FBXL18: variants seen among roughly 807,000 people sequenced by gnomAD.
The protein encoded by FBXL18 is F-box and leucine rich repeat protein 18, also known as F-box/LRR-repeat protein 18.
FBXL18 carries 36 observed loss-of-function variants against 46.0 expected under a neutral mutation model. The observed-to-expected ratio is 0.78, with a 90% CI of 0.60 to 1.03. FBXL18 has a LOEUF of 1.03. FBXL18 is among the 50% of genes least tolerant of loss of function. FBXL18 has a pLI of 0.00. For missense variants in FBXL18, 977 were observed against 1,004.1 expected, an observed-to-expected ratio of 0.97 and a Z score of 0.36; for synonymous variants, 557 against 465.3, an observed-to-expected ratio of 1.20 and a Z score of -2.54.
intron 3 of FBXL18, among the ~76,000 whole-genome samples, chr7:5,499,674 T>A (rs1784177622): frequency 7.0e-6 from 1 of 143,170 alleles, no homozygotes; most frequent in Non-Finnish European, 1.5e-5. Context: ...GGGGTTGCAA[T>A]GAACCAAGAT....
At chr7:5,462,632 C>T (rs1783263998) in intron 4 of FBXL18, among the ~76,000 whole-genome samples, 1 of 151,978 alleles carries the variant, frequency 6.6e-6, no homozygotes, top group African/African-American at 2.4e-5. Flanking sequence ...GGGGACCCAG[C>T]CGCAAATGAC....
At chr7:5,510,354 G>C (rs545233439) in intron 1 of FBXL18, among the ~76,000 whole-genome samples, 1 of 150,016 alleles carries the variant, frequency 6.7e-6, no homozygotes, top group South Asian at 2.1e-4. Context: ...TGCAGCCTGG[G>C]CAATGTGGCA....
At position 5,500,574 on chromosome 7, in the gene FBXL18, C is replaced by T. The variant is rs753814477; in HGVS notation, c.1695G>A (p.Leu565=). ...CCTTCCCCATCATGCCCAGGTTGGCCAGCGACAGGGACCGCAACTGCTGGC... is the reference window on the plus strand; with the variant it reads ...CCTTCCCCATCATGCCCAGGTTGGCTAGCGACAGGGACCGCAACTGCTGGC... ...LQCQQLRSLS[L]ANLGMMGKVV... The change falls in exon 3 of 5, where the codon CTG becomes CTA. Residue 565 remains leucine, a synonymous_variant. Coordinates refer to ENST00000382368, the MANE Select transcript of FBXL18 (RefSeq NM_024963.6). The T allele has an allele frequency of 6.2e-7, 1 of 1,613,572 alleles. No homozygotes were observed. The highest frequency in any genetic ancestry group is 1.1e-5 in the South Asian group (1 of 91,082).
chr7:5,501,765 G>A lies in FBXL18; in HGVS notation c.504C>T (p.Ala168=). ...TGAGCTCCCGCACGCGGCTCAGGGT[G>A]GCCTTGCACTCGCTGCTCAGCTGGC... is the stretch of plus-strand genomic sequence containing the variant. ...DASQLSSECK[A]TLSRVRELKQ... Residue 168 remains alanine, a synonymous_variant, in exon 3 of 5, where the codon GCC becomes GCT. Coordinates refer to ENST00000382368, the MANE Select transcript of FBXL18 (RefSeq NM_024963.6). 1 of 1,559,216 alleles carries A rather than the reference G, an allele frequency of 6.4e-7. No homozygotes were observed. The highest frequency in any genetic ancestry group is 8.7e-7 in the Non-Finnish European group (1 of 1,151,218).
At chr7:5,484,703 A>G (rs1248405565) in intron 4 of FBXL18, among the ~76,000 whole-genome samples, 2 of 146,072 alleles carry the variant, frequency 1.4e-5, no homozygotes, top group African/African-American at 5.1e-5. Context: ...CAATCGCGTG[A>G]TCTTGGCTCA....
At chr7:5,486,123 G>C (rs1311569609) in intron 4 of FBXL18, among the ~76,000 whole-genome samples, 1 of 150,796 alleles carries the variant, frequency 6.6e-6, no homozygotes, top group African/African-American at 2.4e-5. Context: ...GCGTGCTGGC[G>C]CATGCCTGTA....
Position 5,480,626 on chromosome 7 carries a change from T to C in FBXL18, c.*1149A>G, listed in dbSNP as rs1168286041. The C allele has an allele frequency of 6.7e-5, 9 of 134,872 alleles. No homozygotes were observed. Among genetic ancestry groups the C allele is most frequent in the African/African-American group, 2.5e-4 (9 of 35,514 alleles). The allele number at this position is 134,872 out of a possible 1,614,324, so 8.4% of individuals were successfully genotyped here. On this transcript the variant is annotated 3_prime_UTR_variant, in exon 5 of 5. Transcript: ENST00000382368. ...TTGTCCAGGCTGGAGTGCAATGGTG[T>C]GATCTCGGCTCACTGCAACCTCCGC... is the stretch of plus-strand genomic sequence containing the variant.
At chr7:5,469,919 G>A (rs1027743882) in intron 4 of FBXL18, among the ~76,000 whole-genome samples, 1 of 152,104 alleles carries the variant, frequency 6.6e-6, no homozygotes, top group Non-Finnish European at 1.5e-5. Flanking sequence ...TGTGGTGTGT[G>A]TGAATGCGGA....
At chr7:5,470,548 C>T (rs770415420) in intron 4 of FBXL18, among the ~76,000 whole-genome samples, 151 of 152,342 alleles carry the variant, frequency 9.9e-4, no homozygotes, top group Non-Finnish European at 1.9e-3. Flanking sequence ...GCCAGCAAGT[C>T]ACCATTCCCG....
chr7:5,473,734 C>G (rs1783463663), downstream of FBXL18, among the ~76,000 whole-genome samples: 1 of 147,386 alleles, frequency 6.8e-6, no homozygotes, highest in Admixed American at 6.9e-5. Context: ...GCACTCCAGC[C>G]TGGGCGACAG....
In FBXL18 at chr7:5,491,253, G is replaced by C; in HGVS notation, c.1978C>G (p.Leu660Val). 1 of 1,612,846 alleles carries C rather than the reference G, an allele frequency of 6.2e-7. No individual in the cohort carries two copies. Among genetic ancestry groups the C allele is most frequent in the African/African-American group, 1.3e-5 (1 of 75,040 alleles). ...CACCTGCGGAGAAGCGACTGCTGCA[G>C]GCTCTTGCAGGTGGCGAGGGACTCC... ...TGESLATCKS[L>V]QQSLLRSFQA... Residue 660 changes from leucine to valine, a missense_variant, in exon 4 of 5, where the codon CTG becomes GTG. By Grantham distance (32) the Leu-to-Val change is conservative. Transcript: ENST00000382368.
At chr7:5,497,368 G>A (rs1384019117) in intron 3 of FBXL18, among the ~76,000 whole-genome samples, 15 of 152,150 alleles carry the variant, frequency 9.9e-5, no homozygotes, top group Admixed American at 9.8e-4. Context: ...CCCACGCACG[G>A]AGCCTCGCAG....
intron 1 of FBXL18, among the ~76,000 whole-genome samples, chr7:5,510,248 A>G (rs982411764): frequency 4.0e-5 from 6 of 148,914 alleles, no homozygotes; most frequent in Non-Finnish European, 8.9e-5. Context: ...GGTTGCAGTG[A>G]GCCAAGATCG....
At chr7:5,474,904 T>C, downstream of FBXL18, among the ~76,000 whole-genome samples, 1 of 145,434 alleles carries the variant, frequency 6.9e-6, no homozygotes, top group Non-Finnish European at 1.5e-5. Context: ...GAGACGGGGT[T>C]TCACCGTGTT....
At chr7:5,459,814 G>A (rs1338249172) in intron 4 of FBXL18, among the ~76,000 whole-genome samples, 1 of 152,108 alleles carries the variant, frequency 6.6e-6, no homozygotes, top group African/African-American at 2.4e-5. Context: ...TCGGGAGGAT[G>A]AGGCAGGAGA....
intron 1 of FBXL18, among the ~76,000 whole-genome samples, chr7:5,512,957 G>C (rs775021252): frequency 3.3e-5 from 5 of 152,102 alleles, no homozygotes; most frequent in African/African-American, 4.8e-5. Context: ...TGCACCCAAC[G>C]ATCTGAGACC....
rs1036238732 is a variant in FBXL18 at position 5,496,660 on chromosome 7, T to C, written c.1781+3828A>G. Among the ~76,000 whole-genome samples, 6 of 151,952 alleles carry C rather than the reference T, an allele frequency of 3.9e-5. No homozygotes were observed. The highest frequency in any genetic ancestry group is 1.5e-4 in the African/African-American group (6 of 41,360). ...CCTTTGGGCGGCCCAGGCAAGAGGA[T>C]CACTTGAGCCCAGGAGTTCAAGACC... On this transcript the variant is annotated intron_variant, in intron 3 of 4. Coordinates refer to ENST00000382368, the MANE Select transcript of FBXL18 (RefSeq NM_024963.6). The surrounding 1 kb of genome is among the most constrained non-coding windows in gnomAD (Gnocchi z 4.8).
chr7:5,512,357 G>A (rs1784562960), intron 1 of FBXL18, among the ~76,000 whole-genome samples: 2 of 147,254 alleles, frequency 1.4e-5, no homozygotes, highest in African/African-American at 2.5e-5. Context: ...GCTCACGCCT[G>A]TAATCCCAAC....
At chr7:5,473,674 T>C (rs547856658), downstream of FBXL18, among the ~76,000 whole-genome samples, 7 of 151,178 alleles carry the variant, frequency 4.6e-5, no homozygotes, top group East Asian at 1.2e-3. Context: ...GGCAGGAGAA[T>C]TGCTTGAACT....
Sources: allele counts gnomAD v4.1 joint callset (sites outside exome capture counted in the v4.1 genomes callset), GRCh38; gene constraint gnomAD v4.1.1; non-coding constraint Gnocchi (gnomAD v3.1); transcripts MANE v1.5; gene names NCBI Gene and HGNC (gene_info 2026-07-23, HGNC 2026-07-21).